Variants in LIG1 observed in about 807,000 individuals in gnomAD.
LIG1 encodes the protein DNA ligase 1.
In LIG1, 70 loss-of-function variants were observed where a neutral mutation model predicts 115.7. The ratio of observed to expected loss-of-function variants is 0.60; its 90% CI spans 0.50 to 0.74. The LOEUF is 0.74. Ranked by LOEUF, LIG1 falls within the 30% of genes least tolerant of loss-of-function variation. The probability of loss-of-function intolerance (pLI) is 0.00; values close to 1 mark genes in which losing one functional copy is unlikely to be tolerated. For synonymous variants in LIG1, 487 were observed against 495.3 expected (o/e 0.98, Z 0.22); for missense variants, 1,115 against 1,225.6 (o/e 0.91, Z 1.35).
chr19:48,116,017 T>C (rs2032787466), intron 26 of LIG1, 52 bp from the exon 27 acceptor site: 3 of 1,329,778 alleles, frequency 2.3e-6, no homozygotes, highest in Non-Finnish European at 3.2e-6. Context: ...GACCCCCTGC[T>C]CAGTCTCCTC....
In LIG1 at chr19:48,165,272, C is replaced by T. The variant is rs141466929; in HGVS notation, c.17+278G>A. On this transcript the variant is annotated intron_variant, in intron 2 of 27. Transcript: ENST00000263274. ...AGACTCCAACTCAAAAAAAAAAAAT[C>T]TCCAGACGCTGCCAGATGTTCCCTG... 6.5e-3 allele frequency among the ~76,000 whole-genome samples: 984 copies of T among 151,914 alleles called. 15 individuals are homozygous for T. The highest frequency in any genetic ancestry group is 0.022 in the African/African-American group (905 of 41,426).
At chr19:48,135,084 A>G (rs1314623466) in intron 16 of LIG1, among the ~76,000 whole-genome samples, 1 of 152,182 alleles carries the variant, frequency 6.6e-6, no homozygotes, top group Non-Finnish European at 1.5e-5. Context: ...GCCTTTCTGC[A>G]TGCACAGCCC....
chr19:48,161,754 A>G (rs1353346496), intron 3 of LIG1, among the ~76,000 whole-genome samples: 2 of 149,498 alleles, frequency 1.3e-5, no homozygotes, highest in East Asian at 4.1e-4. Flanking sequence ...CTGCCCTGTG[A>G]TGGGTGATGC....
At chr19:48,134,895 G>C (rs1331392198) in intron 16 of LIG1, among the ~76,000 whole-genome samples, 1 of 152,222 alleles carries the variant, frequency 6.6e-6, no homozygotes, top group Non-Finnish European at 1.5e-5. Context: ...TCCTGCCTCT[G>C]ACATCCTCTC....
chr19:48,144,660 C>T (rs145456032), intron 9 of LIG1, among the ~76,000 whole-genome samples: 1 of 152,082 alleles, frequency 6.6e-6, no homozygotes, highest in Non-Finnish European at 1.5e-5. Context: ...CACGACCACA[C>T]CTGGCTGATT....
At position 48,140,140 on chromosome 19, in the gene LIG1, G is replaced by T. The variant is rs772537599; in HGVS notation, c.918C>A (p.Leu306=). ...FEKIEEVSAR[L]RMVETLSNLL... is the part of the protein sequence containing the mutation. Reference sequence around the variant, plus strand: ...AGTTGCTCAGCGTCTCCACCATCCGGAGCCTGGAGGAGGGGACGGGGGTAT... The same window carrying T: ...AGTTGCTCAGCGTCTCCACCATCCGTAGCCTGGAGGAGGGGACGGGGGTAT... Residue 306 remains leucine, a synonymous_variant, in exon 12 of 28, where the codon CTC becomes CTA. Transcript: ENST00000263274. 1 of 1,612,596 alleles carries T rather than the reference G, an allele frequency of 6.2e-7. No homozygotes were observed. The highest frequency in any genetic ancestry group is 1.7e-5 in the Admixed American group (1 of 60,000).
rs367544915 is a variant in LIG1, at chr19:48,167,751, A to T, written c.-57-2128T>A. Among the ~76,000 whole-genome samples, 21 of 151,032 alleles carry T rather than the reference A, an allele frequency of 1.4e-4. No individual in the cohort carries two copies. In the East Asian group the frequency reaches 2.1e-3, roughly 15 times the overall value. ...TGAGGCAGGAGAATCACTTGATCCC[A>T]GGAGGCAGAGGTTGCAGTGAGCTGA... On this transcript the variant is annotated intron_variant, in intron 1 of 27. Transcript: ENST00000263274.
intron 14 of LIG1, among the ~76,000 whole-genome samples, chr19:48,136,602 G>A (rs1255177068): frequency 2.6e-5 from 4 of 152,182 alleles, no homozygotes; most frequent in Non-Finnish European, 1.5e-5. Flanking sequence ...AGAGTTGCTG[G>A]TAGGAACTGA....
chr19:48,116,751 G>C (rs1234948714), intron 26 of LIG1, among the ~76,000 whole-genome samples: 1 of 152,190 alleles, frequency 6.6e-6, no homozygotes, highest in Non-Finnish European at 1.5e-5. Context: ...TGCACAGCAA[G>C]GGCTGGATAC....
chr19:48,142,489 C>T (rs1467204023), intron 11 of LIG1, among the ~76,000 whole-genome samples: 1 of 145,810 alleles, frequency 6.9e-6, no homozygotes, highest in Non-Finnish European at 1.5e-5. Flanking sequence ...AAATGCTCCA[C>T]TCATGTTGGG....
At position 48,122,729 on chromosome 19, in the gene LIG1, G is replaced by A. The variant is rs892664172; in HGVS notation, c.2232+205C>T. 2.6e-5 allele frequency among the ~76,000 whole-genome samples: 4 copies of A among 152,186 alleles called. No individual in the cohort carries two copies. Among genetic ancestry groups the A allele is most frequent in the African/African-American group, 9.7e-5 (4 of 41,444 alleles). On this transcript the variant is annotated intron_variant, in intron 23 of 27. Transcript: ENST00000263274. The surrounding 1 kb of genome is among the most constrained non-coding windows in gnomAD (Gnocchi z 4.3). ...GTGGGATGTGCGGTGCTTGGGCTGG[G>A]GCTGTTCTCCATCAGAACTCGTGAG...
At position 48,127,281 on chromosome 19, in the gene LIG1, C is replaced by G; in HGVS notation, c.2000G>C (p.Gly667Ala). 1.2e-6 allele frequency: 2 copies of G among 1,613,224 alleles called. No individual in the cohort carries two copies. The highest frequency in any genetic ancestry group is 1.7e-4 in the Middle Eastern group (1 of 6,060). Residue 667 changes from glycine to alanine, a missense_variant, in exon 21 of 28, where the codon GGA becomes GCA. By Grantham distance (60) the Gly-to-Ala change is moderately conservative. Transcript: ENST00000263274. ...GGACAGGAAGCTGGAACTCACCTCT[C>G]CATTGAGGTAGATGAGGTCGAAGGC... ...LYAFDLIYLNGESLVREPLSR... is the reference protein window; with the variant it reads ...LYAFDLIYLNAESLVREPLSR...
rs201530241 is a variant in LIG1, at chr19:48,132,975, C to T, written c.1725+7G>A. 1.0e-4 allele frequency: 159 copies of T among 1,595,218 alleles called. No individual in the cohort carries two copies. In the African/African-American group the frequency reaches 1.9e-3, roughly 19 times the overall value. ...TCTGTGGAAGGGACATGTCCCACTC[C>T]CCATACCTGTGCCCTCTGCCCGTCA... On this transcript the variant is annotated splice_region_variant and intron_variant, in intron 18 of 27. Transcript: ENST00000263274.
chr19:48,151,044 C>T (rs1166939474), intron 7 of LIG1, among the ~76,000 whole-genome samples, 188 bp downstream of exon 7: 2 of 151,862 alleles, frequency 1.3e-5, no homozygotes, highest in African/African-American at 4.8e-5. Flanking sequence ...CCTCCTTTCC[C>T]ACATGCATGG....
Position 48,170,303 on chromosome 19 carries a change from G to A in LIG1, c.-120C>T, listed in dbSNP as rs1162675945. On this transcript the variant is annotated 5_prime_UTR_variant, in exon 1 of 28. Coordinates refer to ENST00000263274, the MANE Select transcript of LIG1 (RefSeq NM_000234.3). ...ACTCAGATCCGCCAGGCGCGCCTCT[G>A]CAGTCCCAAGTTCGCGCCACGGCAT... is the stretch of plus-strand genomic sequence containing the variant. 2 of 452,294 alleles carry A rather than the reference G, an allele frequency of 4.4e-6. No individual in the cohort carries two copies. The highest frequency in any genetic ancestry group is 2.4e-5 in the Admixed American group (1 of 42,404). 28.0% of individuals were successfully genotyped at this position (452,294 alleles called of 1,614,324 possible).
chr19:48,132,924 C>T, intron 18 of LIG1, 58 bp downstream of exon 18: 1 of 1,296,332 alleles, frequency 7.7e-7, no homozygotes, highest in East Asian at 2.3e-5. Context: ...AGTGACCCCA[C>T]ACCCCTGCTC....
Position 48,115,701 on chromosome 19 carries a change from A to G in LIG1, c.2708T>C (p.Ile903Thr). 6.2e-7 allele frequency: 1 copy of G among 1,614,200 alleles called. No homozygotes were observed. Among genetic ancestry groups the G allele is most frequent in the South Asian group, 1.1e-5 (1 of 91,088 alleles). ...TGAGTCCTCGCCTTGTTGGTTCTGA[A>G]TCTGACTTTGCTTCCGGTACAAACA... ...VACLYRKQSQIQNQQGEDSGS... is the reference protein window; with the variant it reads ...VACLYRKQSQTQNQQGEDSGS... The change falls in exon 28 of 28, where the codon ATT becomes ACT. Residue 903 changes from isoleucine to threonine, a missense_variant. Transcript: ENST00000263274.
At chr19:48,135,227 C>G (rs553597238) in intron 16 of LIG1, among the ~76,000 whole-genome samples, 1 of 152,326 alleles carries the variant, frequency 6.6e-6, no homozygotes, top group East Asian at 1.9e-4. Context: ...CTGCAGCCTC[C>G]AACTCCTGGG....
chr19:48,144,494 G>T (rs1162927391), intron 9 of LIG1, among the ~76,000 whole-genome samples: 1 of 152,130 alleles, frequency 6.6e-6, no homozygotes, highest in Admixed American at 6.5e-5. Flanking sequence ...TCAGACATGG[G>T]AGGAAGGGAC....
Sources: allele counts gnomAD v4.1 joint callset (sites outside exome capture counted in the v4.1 genomes callset), GRCh38; gene constraint gnomAD v4.1.1; non-coding constraint Gnocchi (gnomAD v3.1); transcripts MANE v1.5; gene names NCBI Gene and HGNC (gene_info 2026-07-23, HGNC 2026-07-21).